The following FNBP1L variants were observed in gnomAD, a reference collection of about 807,000 sequenced individuals.
The protein encoded by FNBP1L is formin-binding protein 1-like.
In FNBP1L, 36 loss-of-function variants were observed where a neutral mutation model predicts 91.2. The ratio of observed to expected loss-of-function variants is 0.39; its 90% confidence interval spans 0.30 to 0.52. The LOEUF is 0.52. Among genes scored for constraint, FNBP1L ranks in the 20% least tolerant of loss-of-function variants. FNBP1L has a pLI of 0.66. For missense variants in FNBP1L, 571 were observed against 732.1 expected (o/e 0.78, Z 2.54); for synonymous variants, 242 against 237.0 (o/e 1.02, Z -0.19).
intron 1 of FNBP1L, among the ~76,000 whole-genome samples, chr1:93,488,073 T>A (rs1438906691): frequency 1.3e-5 from 2 of 152,224 alleles, no homozygotes; most frequent in Non-Finnish European, 2.9e-5. Flanking sequence ...TCAAAATTGA[T>A]GTTTGTTTTT....
intron 1 of FNBP1L, among the ~76,000 whole-genome samples, chr1:93,464,606 T>C (rs1208843104): frequency 6.6e-6 from 1 of 152,230 alleles, no homozygotes; most frequent in Non-Finnish European, 1.5e-5. Flanking sequence ...TCAATCATAA[T>C]ATGTTGTTTT....
At chr1:93,512,580 C>CCA (rs1312049352) in intron 2 of FNBP1L, among the ~76,000 whole-genome samples, 6 of 151,538 alleles carry the variant, frequency 4.0e-5, no homozygotes, top group Non-Finnish European at 7.4e-5. Flanking sequence ...ATCTCTCAGA[C>CCA]CACAGTGCAA....
intron 7 of FNBP1L, among the ~76,000 whole-genome samples, chr1:93,532,371 G>A (rs891691851): frequency 1.3e-5 from 2 of 151,172 alleles, no homozygotes; most frequent in Non-Finnish European, 2.9e-5. Flanking sequence ...AGAGACCGAG[G>A]CAGGAGAATT....
intron 1 of FNBP1L, among the ~76,000 whole-genome samples, chr1:93,477,944 G>C (rs544456663): frequency 6.6e-6 from 1 of 152,294 alleles, no homozygotes; most frequent in African/African-American, 2.4e-5. Flanking sequence ...ACCATCGATA[G>C]ACACAGACTA....
At chr1:93,516,335 C>G (rs1267270203) in intron 2 of FNBP1L, among the ~76,000 whole-genome samples, 1 of 152,194 alleles carries the variant, frequency 6.6e-6, no homozygotes, top group Non-Finnish European at 1.5e-5. Flanking sequence ...GCTCTACCAC[C>G]TGAGCTATAC....
At chr1:93,479,840 AAC>A (rs541011913) in intron 1 of FNBP1L, among the ~76,000 whole-genome samples, 2 of 152,150 alleles carry the variant, frequency 1.3e-5, no homozygotes, top group South Asian at 4.1e-4. Flanking sequence ...ATATTGTTCA[AAC>A]ACACGTTTTA....
At chr1:93,448,988 G>T (rs1294819502) in intron 1 of FNBP1L, among the ~76,000 whole-genome samples, 1 of 152,268 alleles carries the variant, frequency 6.6e-6, no homozygotes, top group Non-Finnish European at 1.5e-5. Context: ...TTGGGCTGGT[G>T]GGTTGGTTTT....
intron 2 of FNBP1L, among the ~76,000 whole-genome samples, chr1:93,511,110 CA>C (rs1362525829): frequency 6.6e-6 from 1 of 152,120 alleles, no homozygotes; most frequent in Non-Finnish European, 1.5e-5. Context: ...GAGAATGCCA[CA>C]AAGATACTTC....
chr1:93,538,040 A>G (rs1374604842), intron 10 of FNBP1L, among the ~76,000 whole-genome samples: 1 of 152,062 alleles, frequency 6.6e-6, no homozygotes, highest in East Asian at 1.9e-4. Context: ...ATCATGAGAA[A>G]TTACTATGTA....
intron 1 of FNBP1L, among the ~76,000 whole-genome samples, chr1:93,474,286 T>TTCG (rs1669415861): frequency 1.3e-5 from 2 of 151,746 alleles, no homozygotes; most frequent in South Asian, 4.2e-4. Context: ...TCCATCCTAC[T>TTCG]TCAGGATGCC....
intron 2 of FNBP1L, among the ~76,000 whole-genome samples, chr1:93,509,561 A>T (rs1670747981): frequency 6.6e-6 from 1 of 152,266 alleles, no homozygotes; most frequent in Non-Finnish European, 1.5e-5. Flanking sequence ...TGGGACCCTA[A>T]ACAATGTTTA....
chr1:93,524,283 C>A lies in FNBP1L; in HGVS notation c.365C>A (p.Ala122Asp). The A allele has an allele frequency of 6.6e-7, 1 of 1,508,250 alleles. No homozygotes were observed. Among genetic ancestry groups the A allele is most frequent in the Non-Finnish European group, 8.9e-7 (1 of 1,126,576 alleles). The allele number at this position is 1,508,250 out of a possible 1,614,324, so 93.4% of individuals were successfully genotyped here. A position where few individuals can be genotyped will look rare whatever the true frequency, so the allele number is the denominator to read the frequency against. The change falls in exon 5 of 17, where the codon GCT (alanine) becomes GAT (aspartate). Residue 122 changes from alanine to aspartate, a missense_variant. Physicochemically the swap from Ala to Asp is moderately radical, Grantham distance 126 (BLOSUM62 -2). Coordinates refer to ENST00000271234, the MANE Select transcript of FNBP1L (RefSeq NM_001164473.3). ...CAGCATCTGCAAGAAGGACGAAAAG[C>A]TCAACAATATCTTGACATGTGCTGG... ...RKMHLQEGRK[A>D]QQYLDMCWKQ...
chr1:93,473,896 C>T (rs1204678970), intron 1 of FNBP1L, among the ~76,000 whole-genome samples: 1 of 152,070 alleles, frequency 6.6e-6, no homozygotes, highest in Non-Finnish European at 1.5e-5. Flanking sequence ...TAGCTGTAGG[C>T]AGAAAGGGCT....
chr1:93,522,780 A>G (rs1020462872), intron 3 of FNBP1L, among the ~76,000 whole-genome samples: 3 of 152,178 alleles, frequency 2.0e-5, no homozygotes, highest in African/African-American at 7.2e-5. Context: ...ATACATTAAT[A>G]CAGTGATTCT....
chr1:93,494,673 C>A (rs1472229928), intron 1 of FNBP1L, among the ~76,000 whole-genome samples: 1 of 152,138 alleles, frequency 6.6e-6, no homozygotes, highest in African/African-American at 2.4e-5. Context: ...GGGGTGGAGA[C>A]CAAATGTATA....
intron 5 of FNBP1L, among the ~76,000 whole-genome samples, chr1:93,525,432 G>GTTTTCA (rs1288968828): frequency 6.6e-6 from 1 of 151,984 alleles, no homozygotes; most frequent in East Asian, 1.9e-4. Flanking sequence ...TATTAATAAT[G>GTTTTCA]TTTTCATTTT....
intron 12 of FNBP1L, among the ~76,000 whole-genome samples, chr1:93,544,984 T>G (rs1344801273): frequency 6.6e-6 from 1 of 152,202 alleles, no homozygotes; most frequent in Non-Finnish European, 1.5e-5. Flanking sequence ...AGGTAGCCAC[T>G]GGTCACAATG....
At chr1:93,517,794 T>C (rs1361858504) in intron 2 of FNBP1L, among the ~76,000 whole-genome samples, 1 of 151,610 alleles carries the variant, frequency 6.6e-6, no homozygotes, top group Non-Finnish European at 1.5e-5. Context: ...CATTTCATAC[T>C]TCTTCAGTAG....
intron 1 of FNBP1L, among the ~76,000 whole-genome samples, chr1:93,482,563 T>C (rs1298515037): frequency 6.6e-6 from 1 of 152,196 alleles, no homozygotes; most frequent in African/African-American, 2.4e-5. Flanking sequence ...TGTATTCATT[T>C]ACAATACTGT....
Sources: allele counts gnomAD v4.1 joint callset (sites outside exome capture counted in the v4.1 genomes callset), GRCh38; gene constraint gnomAD v4.1.1; transcripts MANE v1.5; gene names NCBI Gene and HGNC (gene_info 2026-07-23, HGNC 2026-07-21).